Variants in DCC observed in about 807,000 individuals in gnomAD.
DCC encodes the protein netrin receptor DCC.
DCC carries 58 observed loss-of-function variants against 172.5 expected under a neutral mutation model. The observed-to-expected ratio is 0.34, with a 90% CI of 0.27 to 0.42. The LOEUF (loss-of-function observed/expected upper bound fraction) is 0.42. DCC is among the 10% of genes least tolerant of loss of function. The pLI is 1.00. For synonymous variants in DCC, 709 were observed against 644.5 expected, an observed-to-expected ratio of 1.10 and a Z score of -1.52; for missense variants, 1,740 against 1,791.0, an observed-to-expected ratio of 0.97 and a Z score of 0.51.
Position 52,940,085 on chromosome 18 carries a change from G to C in DCC, c.985+14715G>C, listed in dbSNP as rs1180148481. Among the ~76,000 whole-genome samples the C allele has an allele frequency of 2.0e-5, 3 of 152,156 alleles. No homozygotes were observed. In the East Asian group the frequency reaches 5.8e-4, roughly 29 times the overall value. ...TTGGGTCCCAGGAAACTGTGCCTTA[G>C]TAAGTCTTCCAAGTGATTCTTAAAC... is the stretch of plus-strand genomic sequence containing the variant. On this transcript the variant is annotated intron_variant, in intron 5 of 28. Coordinates refer to ENST00000442544, the MANE Select transcript of DCC (RefSeq NM_005215.4).
intron 2 of DCC, among the ~76,000 whole-genome samples, chr18:52,805,866 G>A (rs1044866169): frequency 6.6e-6 from 1 of 152,200 alleles, no homozygotes; most frequent in Non-Finnish European, 1.5e-5. Context: ...CAGCTGACAT[G>A]TGGATTTTGT....
intron 2 of DCC, among the ~76,000 whole-genome samples, chr18:52,849,250 G>A (rs2038939707): frequency 6.6e-6 from 1 of 152,068 alleles, no homozygotes; most frequent in African/African-American, 2.4e-5. Flanking sequence ...CCTTTCTACT[G>A]GACTGCTGTT....
At chr18:53,435,111 A>T in intron 21 of DCC, 33 bp from the exon 22 acceptor site, 1 of 1,486,736 alleles carries the variant, frequency 6.7e-7, no homozygotes, top group Non-Finnish European at 9.4e-7. Context: ...TTTCATTTGT[A>T]CTGACATTGT....
intron 1 of DCC, among the ~76,000 whole-genome samples, chr18:52,658,704 G>A (rs1598994748): frequency 6.6e-6 from 1 of 152,202 alleles, no homozygotes; most frequent in South Asian, 2.1e-4. Context: ...CAGAGATTTT[G>A]TGTGTGTACA....
intron 1 of DCC, among the ~76,000 whole-genome samples, chr18:52,597,262 C>G (rs975329128): frequency 6.6e-6 from 1 of 152,120 alleles, no homozygotes; most frequent in Non-Finnish European, 1.5e-5. Flanking sequence ...CTGGATCTGA[C>G]CCTTTTGTGT....
At chr18:52,856,625 CAAAAAAAAA>C (rs11426617) in intron 2 of DCC, among the ~76,000 whole-genome samples, 3 of 83,006 alleles carry the variant, frequency 3.6e-5, no homozygotes, top group Non-Finnish European at 6.3e-5. Flanking sequence ...GACTCCATCT[CAAAAAAAAA>C]AAAAAAAAAG....
chr18:52,747,314 G>T (rs2036922044), intron 1 of DCC, among the ~76,000 whole-genome samples: 1 of 152,152 alleles, frequency 6.6e-6, no homozygotes, highest in Non-Finnish European at 1.5e-5. Context: ...AGCAAGGCTT[G>T]GAAATGTAAC....
intron 27 of DCC, among the ~76,000 whole-genome samples, chr18:53,507,796 A>ATTCTTCTTTGACATTT (rs1327260917): frequency 6.6e-6 from 1 of 151,382 alleles, no homozygotes; most frequent in Non-Finnish European, 1.5e-5. Context: ...CTTCTAAAAC[A>ATTCTTCTTTGACATTT]TTCTTCTTTG....
At position 52,735,230 on chromosome 18, in the gene DCC, C is replaced by T. The variant is rs113540260; in HGVS notation, c.92-16824C>T. On this transcript the variant is annotated intron_variant, in intron 1 of 28. Coordinates refer to ENST00000442544, the MANE Select transcript of DCC (RefSeq NM_005215.4). The stretch of plus-strand genomic sequence containing the variant: ...CTTCCCCAGGAATTCCCTTGACCAC[C>T]CTGCCAACACTCTGTGTTAACCCTA... Among the ~76,000 whole-genome samples the T allele has an allele frequency of 8.6e-3, 1,306 of 152,196 alleles. 13 individuals carry two copies. Among genetic ancestry groups the T allele is most frequent in the Middle Eastern group, 0.017 (5 of 294 alleles).
At chr18:52,583,587 T>C (rs1486953915) in intron 1 of DCC, among the ~76,000 whole-genome samples, 1 of 152,194 alleles carries the variant, frequency 6.6e-6, no homozygotes, top group Non-Finnish European at 1.5e-5. Flanking sequence ...CCCTGAATAA[T>C]TAGCTTTTCT....
chr18:52,700,957 T>C (rs2036114453), intron 1 of DCC, among the ~76,000 whole-genome samples: 1 of 152,218 alleles, frequency 6.6e-6, no homozygotes. Context: ...TAATTAAACC[T>C]GTACAAAGCT....
intron 7 of DCC, among the ~76,000 whole-genome samples, chr18:53,149,827 T>A (rs1026346802): frequency 2.6e-5 from 4 of 152,214 alleles, no homozygotes; most frequent in African/African-American, 9.7e-5. Flanking sequence ...TTTATCTCTT[T>A]GTGTGGCCAT....
intron 7 of DCC, among the ~76,000 whole-genome samples, chr18:53,129,828 T>G (rs560317777): frequency 3.9e-5 from 6 of 152,176 alleles, no homozygotes; most frequent in East Asian, 1.9e-4. Flanking sequence ...TTAGCACTTA[T>G]GTTTTCATTT....
intron 26 of DCC, among the ~76,000 whole-genome samples, chr18:53,491,888 C>T (rs1019763936): frequency 6.6e-6 from 1 of 152,262 alleles, no homozygotes; most frequent in East Asian, 1.9e-4. Flanking sequence ...AATTGCCACA[C>T]TGTCTTCCAC....
chr18:52,690,222 A>G (rs931714142), intron 1 of DCC, among the ~76,000 whole-genome samples: 9 of 152,150 alleles, frequency 5.9e-5, no homozygotes, highest in African/African-American at 2.2e-4. Flanking sequence ...TCTGACTGGA[A>G]GGCACTGAGT....
chr18:53,401,258 A>T (rs1468467410), intron 18 of DCC, among the ~76,000 whole-genome samples: 4 of 150,174 alleles, frequency 2.7e-5, no homozygotes, highest in Non-Finnish European at 4.5e-5. Flanking sequence ...CTAAGGGATC[A>T]ACTATACTCC....
chr18:53,259,295 C>A (rs1380877079), intron 12 of DCC, among the ~76,000 whole-genome samples: 1 of 152,196 alleles, frequency 6.6e-6, no homozygotes, highest in African/African-American at 2.4e-5. Context: ...GATGCCGTTT[C>A]TTCCTAACCT....
At chr18:52,947,564 T>C (rs2040568285) in intron 5 of DCC, among the ~76,000 whole-genome samples, 1 of 152,248 alleles carries the variant, frequency 6.6e-6, no homozygotes, top group Non-Finnish European at 1.5e-5. Context: ...AAGGTGTAAC[T>C]ACACGTATCC....
intron 12 of DCC, among the ~76,000 whole-genome samples, chr18:53,242,762 G>A (rs554308990): frequency 9.9e-5 from 15 of 152,116 alleles, no homozygotes; most frequent in South Asian, 2.1e-4. Context: ...CAAAAAAAAT[G>A]TGCCAGTATC....
Sources: gnomAD v4.1 joint callset for allele counts (sites outside exome capture counted in the v4.1 genomes callset) on GRCh38, gnomAD v4.1.1 for gene constraint, MANE v1.5 for transcripts, NCBI Gene and HGNC (gene_info 2026-07-23, HGNC 2026-07-21) for gene names.